The following ABCG1 variants were observed in gnomAD, a reference collection of about 807,000 sequenced individuals.
ABCG1 encodes the protein ATP-binding cassette sub-family G member 1.
Under a neutral mutation model 69.2 loss-of-function variants are expected in ABCG1, and 29 were observed. The ratio of observed to expected loss-of-function variants is 0.42; its 90% CI spans 0.31 to 0.57. The LOEUF is 0.57. Among genes scored for constraint, ABCG1 ranks in the 20% least tolerant of loss-of-function variants. The probability of loss-of-function intolerance (pLI) is 0.15; values close to 1 mark genes in which losing one functional copy is unlikely to be tolerated. For missense variants in ABCG1, 718 were observed against 898.1 expected, an observed-to-expected ratio of 0.80 and a Z score of 2.56; for synonymous variants, 370 against 374.8, an observed-to-expected ratio of 0.99 and a Z score of 0.15.
rs201747032 is a variant in ABCG1, at chr21:42,296,378, C to T, written c.1987C>T (p.Arg663Trp). The T allele has an allele frequency of 1.1e-5, 18 of 1,613,482 alleles. 1 individual carries two copies. The highest frequency in any genetic ancestry group is 9.9e-5 in the South Asian group (9 of 91,062). The change falls in exon 15 of 15, where the codon CGG (arginine) becomes TGG (tryptophan). Residue 663 changes from arginine (R) to tryptophan (W), a missense_variant. Physicochemically the swap from Arg to Trp is moderately radical, Grantham distance 101 (BLOSUM62 -3). Coordinates refer to ENST00000398449, the MANE Select transcript of ABCG1 (RefSeq NM_016818.3). The surrounding 1 kb of genome is among the most constrained non-coding windows in gnomAD (Gnocchi z 5.4). ...IAYFVLRYKI[R>W]AER ...CTATTTTGTCCTCAGGTACAAAATC[C>T]GGGCAGAGAGGTAAAACACCTGAAT... is the stretch of plus-strand genomic sequence containing the variant.
intron 2 of ABCG1, among the ~76,000 whole-genome samples, chr21:42,226,553 GTT>G (rs1259097005): frequency 6.6e-6 from 1 of 152,178 alleles, no homozygotes; most frequent in Non-Finnish European, 1.5e-5. Context: ...ATGAGTGGTA[GTT>G]TGAGTTTTCT....
intron 2 of ABCG1, among the ~76,000 whole-genome samples, chr21:42,208,806 T>A (rs1569200247): frequency 6.6e-6 from 1 of 152,252 alleles, no homozygotes; most frequent in Non-Finnish European, 1.5e-5. Flanking sequence ...TTTTCTTTTT[T>A]AAAATGAGTT....
At chr21:42,256,317 A>AGGGTGG (rs766675357) in intron 2 of ABCG1, 1 of 1,546,020 alleles carries the variant, frequency 6.5e-7, no homozygotes, top group Non-Finnish European at 8.7e-7. Flanking sequence ...GAGTCTACAG[A>AGGGTGG]GGGTGGGCCC....
chr21:42,237,910 C>T (rs181642095), intron 2 of ABCG1, among the ~76,000 whole-genome samples: 1 of 152,272 alleles, frequency 6.6e-6, no homozygotes, highest in African/African-American at 2.4e-5. Flanking sequence ...ATGCCAGCTC[C>T]ACCTCTTCTT....
At chr21:42,234,623 G>T (rs1424953690) in intron 2 of ABCG1, among the ~76,000 whole-genome samples, 1 of 152,212 alleles carries the variant, frequency 6.6e-6, no homozygotes, top group South Asian at 2.1e-4. Context: ...GCAGGCTCCC[G>T]GAAGGCCGGG....
Position 42,296,349 on chromosome 21 carries a change from T to C in ABCG1, c.1958T>C (p.Ile653Thr). Residue 653 changes from isoleucine (I) to threonine (T), a missense_variant, in exon 15 of 15, where the codon ATT (isoleucine) becomes ACT (threonine). Ile to Thr is a moderately conservative substitution (Grantham distance 89). Coordinates refer to ENST00000398449, the MANE Select transcript of ABCG1 (RefSeq NM_016818.3). This position sits in a 1 kb window ranked among gnomAD's most constrained non-coding sequence, Gnocchi z 5.4. ...ATTTTCTTCATCTCCCTCCGCCTCA[T>C]TGCCTATTTTGTCCTCAGGTACAAA... The part of the protein sequence containing the change: ...LGIFFISLRL[I>T]AYFVLRYKIR... 1 of 1,614,160 alleles carries C rather than the reference T, an allele frequency of 6.2e-7. No homozygotes were observed. The highest frequency in any genetic ancestry group is 8.5e-7 in the Non-Finnish European group (1 of 1,180,036).
chr21:42,265,696 G>A (rs765006495), intron 2 of ABCG1, among the ~76,000 whole-genome samples: 1 of 152,202 alleles, frequency 6.6e-6, no homozygotes, highest in Non-Finnish European at 1.5e-5. Flanking sequence ...ACACCACAGG[G>A]CGGCCTGACC....
At position 42,257,756 on chromosome 21, in the gene ABCG1, C is replaced by G. The variant is rs1226005896; in HGVS notation, c.287-13314C>G. ...TACACTGGCCACTGAACTGCATACA[C>G]AGTCCCAAGAGGTCTCCCTGCACCG... On this transcript the variant is annotated intron_variant, in intron 2 of 14. Coordinates refer to ENST00000398449, the MANE Select transcript of ABCG1 (RefSeq NM_016818.3). 2.6e-5 allele frequency among the ~76,000 whole-genome samples: 4 copies of G among 152,334 alleles called. No individual in the cohort carries two copies. The East Asian group carries it at 7.7e-4, about 29-fold the overall frequency.
intron 2 of ABCG1, among the ~76,000 whole-genome samples, chr21:42,203,253 G>A (rs2067520472): frequency 6.6e-6 from 1 of 152,188 alleles, no homozygotes; most frequent in Non-Finnish European, 1.5e-5. Flanking sequence ...CTCCTGGTCT[G>A]TTATTAACAC....
intron 2 of ABCG1, among the ~76,000 whole-genome samples, chr21:42,255,461 T>C (rs1281295302): frequency 6.6e-6 from 1 of 152,130 alleles, no homozygotes; most frequent in African/African-American, 2.4e-5. Context: ...TGTGTGTGCA[T>C]GCGCGTGTGC....
intron 2 of ABCG1, 135 bp from the exon 3 acceptor site, chr21:42,270,935 C>A: frequency 1.9e-6 from 1 of 538,274 alleles, no homozygotes; most frequent in Non-Finnish European, 3.3e-6. Flanking sequence ...TCATGTTCTT[C>A]CCTGGAATGC....
chr21:42,219,825 T>G lies in ABCG1; in HGVS notation c.42+521T>G, dbSNP rs2067692438. ...AAGCTGCCCCCAGAGAGCCGGAGCC[T>G]GCGACTGCACTCCCGGGGACACCCT... On this transcript the variant is annotated intron_variant, in intron 1 of 14. Coordinates refer to ENST00000398449, the MANE Select transcript of ABCG1 (RefSeq NM_016818.3). This position sits in a 1 kb window ranked among gnomAD's most constrained non-coding sequence, Gnocchi z 5.3. The G allele has an allele frequency of 3.4e-6, 5 of 1,461,484 alleles. No homozygotes were observed. Among genetic ancestry groups the G allele is most frequent in the African/African-American group, 2.9e-5 (2 of 70,062 alleles). The allele number at this position is 1,461,484 out of a possible 1,614,324, so 90.5% of individuals were successfully genotyped here.
At chr21:42,293,175 C>CACT (rs2069115484) in intron 13 of ABCG1, among the ~76,000 whole-genome samples, 1 of 146,298 alleles carries the variant, frequency 6.8e-6, no homozygotes, top group African/African-American at 2.5e-5. Context: ...ACACACTACA[C>CACT]ACACACCACA....
rs1187554650 is a variant in ABCG1, at chr21:42,296,043, C to T, written c.1773-121C>T. On this transcript the variant is annotated intron_variant, in intron 14 of 14. Transcript: ENST00000398449. The surrounding 1 kb of genome is among the most constrained non-coding windows in gnomAD (Gnocchi z 5.4). The stretch of plus-strand genomic sequence containing the variant: ...GAGGAAGTATTCTGGGGAAGGCGGC[C>T]CTTTGGGAAGGGAGGATAGCCAAGC... The T allele has an allele frequency of 1.3e-6, 1 of 778,412 alleles. No homozygotes were observed. The highest frequency in any genetic ancestry group is 2.2e-6 in the Non-Finnish European group (1 of 456,616). The allele number at this position is 778,412 out of a possible 1,614,324, so 48.2% of individuals were successfully genotyped here.
chr21:42,280,349 C>T (rs2068786033), intron 5 of ABCG1, among the ~76,000 whole-genome samples: 1 of 152,200 alleles, frequency 6.6e-6, no homozygotes, highest in African/African-American at 2.4e-5. Flanking sequence ...TTGTTCACGG[C>T]CTTCCTTAAT....
intron 2 of ABCG1, among the ~76,000 whole-genome samples, chr21:42,248,013 A>G (rs1201939825): frequency 6.6e-6 from 1 of 152,176 alleles, no homozygotes; most frequent in Non-Finnish European, 1.5e-5. Context: ...ATTTTGTGGC[A>G]TTTTCTTGGG....
At chr21:42,263,981 C>T (rs924519828) in intron 2 of ABCG1, among the ~76,000 whole-genome samples, 4 of 152,226 alleles carry the variant, frequency 2.6e-5, no homozygotes, top group African/African-American at 9.7e-5. Context: ...AGGCTCCATT[C>T]CAGGTTCGCG....
upstream of ABCG1, among the ~76,000 whole-genome samples, chr21:42,216,797 C>T (rs762059916): frequency 2.8e-4 from 42 of 152,232 alleles, no homozygotes; most frequent in African/African-American, 8.4e-4. Context: ...TCCTGTGCTA[C>T]GCTACTGTTG....
intron 5 of ABCG1, among the ~76,000 whole-genome samples, chr21:42,277,673 T>C (rs1191641180): frequency 6.6e-6 from 1 of 152,206 alleles, no homozygotes; most frequent in Non-Finnish European, 1.5e-5. Flanking sequence ...AAACCCCCCT[T>C]CTATAAGATT....
Sources: gnomAD v4.1 joint callset for allele counts (sites outside exome capture counted in the v4.1 genomes callset) on GRCh38, gnomAD v4.1.1 for gene constraint, Gnocchi (gnomAD v3.1) non-coding constraint, MANE v1.5 for transcripts, NCBI Gene and HGNC (gene_info 2026-07-23, HGNC 2026-07-21) for gene names.